Variants in NTRK2 observed in about 807,000 individuals in gnomAD.
NTRK2 encodes BDNF/NT-3 growth factors receptor.
NTRK2 carries 13 observed loss-of-function variants against 94.5 expected under a neutral mutation model. The observed-to-expected ratio is 0.14, with a 90% CI of 0.09 to 0.22. The LOEUF is 0.22. Among genes scored for constraint, NTRK2 ranks in the 10% least tolerant of loss-of-function variants. NTRK2 has a pLI of 1.00. For missense variants in NTRK2, 639 were observed against 1,071.2 expected, an observed-to-expected ratio of 0.60 and a Z score of 5.63; for synonymous variants, 372 against 407.4, an observed-to-expected ratio of 0.91 and a Z score of 1.05.
intron 17 of NTRK2, among the ~76,000 whole-genome samples, chr9:84,960,279 C>A (rs900199205): frequency 6.6e-6 from 1 of 152,048 alleles, no homozygotes; most frequent in Non-Finnish European, 1.5e-5. Context: ...TAGCAAGTGG[C>A]CAGATGAACA....
intron 12 of NTRK2, among the ~76,000 whole-genome samples, chr9:84,787,565 T>C (rs2068254601): frequency 1.3e-5 from 2 of 152,020 alleles, no homozygotes; most frequent in South Asian, 2.1e-4. Flanking sequence ...TCAATGGAGG[T>C]GTCTTAGTAA....
chr9:84,743,253 C>T (rs74491940), intron 10 of NTRK2, among the ~76,000 whole-genome samples: 1,676 of 152,154 alleles, frequency 0.011, 39 homozygotes, highest in African/African-American at 0.038. Flanking sequence ...TCAAGACTTG[C>T]TTTAAATTTA....
chr9:84,882,948 G>T (rs527722360), intron 14 of NTRK2, among the ~76,000 whole-genome samples: 13 of 152,140 alleles, frequency 8.5e-5, no homozygotes, highest in Admixed American at 6.5e-4. Flanking sequence ...TGTGTTTTTA[G>T]TAGAGATGGG....
intron 17 of NTRK2, among the ~76,000 whole-genome samples, chr9:84,991,761 C>G (rs1390359757): frequency 6.6e-6 from 1 of 152,164 alleles, no homozygotes; most frequent in Non-Finnish European, 1.5e-5. Flanking sequence ...AATTAGTATG[C>G]AGGGCCAGTG....
At chr9:84,698,678 A>C (rs2060539233) in intron 2 of NTRK2, among the ~76,000 whole-genome samples, 1 of 152,236 alleles carries the variant, frequency 6.6e-6, no homozygotes, top group Non-Finnish European at 1.5e-5. Context: ...GAGAAATTTC[A>C]TCACATCCAT....
chr9:84,751,201 T>C (rs2064567943), intron 11 of NTRK2, among the ~76,000 whole-genome samples: 1 of 152,168 alleles, frequency 6.6e-6, no homozygotes, highest in Non-Finnish European at 1.5e-5. Flanking sequence ...ACCTTAAAAA[T>C]AGCCTTTTAT....
chr9:84,983,720 C>T (rs1403179281), intron 17 of NTRK2, among the ~76,000 whole-genome samples: 1 of 152,234 alleles, frequency 6.6e-6, no homozygotes, highest in African/African-American at 2.4e-5. Flanking sequence ...GTTATTTTAA[C>T]ATCCCTACTG....
At chr9:84,857,210 A>G (rs1029288410) in intron 12 of NTRK2, among the ~76,000 whole-genome samples, 3 of 152,122 alleles carry the variant, frequency 2.0e-5, no homozygotes, top group African/African-American at 7.2e-5. Context: ...GTCAGGGAAA[A>G]TGTTGAGCTT....
chr9:84,876,728 A>G (rs1020050265), intron 14 of NTRK2: 2 of 1,060,628 alleles, frequency 1.9e-6, no homozygotes, highest in Non-Finnish European at 2.3e-6. Flanking sequence ...TCCTAATTTC[A>G]TTAGTGCCAT....
At chr9:84,762,535 G>A (rs939001518) in intron 12 of NTRK2, among the ~76,000 whole-genome samples, 2 of 152,172 alleles carry the variant, frequency 1.3e-5, no homozygotes, top group African/African-American at 4.8e-5. Context: ...GTAGATTTAT[G>A]TGCATATTAT....
intron 14 of NTRK2, among the ~76,000 whole-genome samples, chr9:84,933,729 C>G (rs1298112348): frequency 1.3e-5 from 2 of 152,166 alleles, no homozygotes; most frequent in Non-Finnish European, 2.9e-5. Context: ...CTCTGTCTCC[C>G]TTAGGAATCT....
chr9:85,016,411 T>G (rs1832231648), intron 17 of NTRK2, among the ~76,000 whole-genome samples: 1 of 152,136 alleles, frequency 6.6e-6, no homozygotes, highest in South Asian at 2.1e-4. Context: ...TCAACTTAAT[T>G]ACTGGAGAGC....
At chr9:84,756,665 G>A (rs1271557463) in intron 12 of NTRK2, among the ~76,000 whole-genome samples, 1 of 152,198 alleles carries the variant, frequency 6.6e-6, no homozygotes, top group Non-Finnish European at 1.5e-5. Context: ...CTGTAGAAGA[G>A]ACTAGAAGAG....
chr9:84,860,480 T>C (rs892587078), intron 12 of NTRK2, among the ~76,000 whole-genome samples: 7 of 152,170 alleles, frequency 4.6e-5, no homozygotes, highest in Non-Finnish European at 7.4e-5. Flanking sequence ...CCTGAATCTC[T>C]ATCTAGCCCG....
chr9:84,760,024 C>T (rs1187731865), intron 12 of NTRK2, among the ~76,000 whole-genome samples: 2 of 152,156 alleles, frequency 1.3e-5, no homozygotes, highest in Non-Finnish European at 2.9e-5. Flanking sequence ...TCACGTGGCA[C>T]TTCAGAAGAC....
intron 9 of NTRK2, among the ~76,000 whole-genome samples, chr9:84,732,328 T>G (rs2062948375): frequency 2.6e-5 from 4 of 152,232 alleles, no homozygotes. Flanking sequence ...TTTGTCACTA[T>G]TTTGTTTGAT....
chr9:84,818,655 TG>T (rs2072582402), intron 12 of NTRK2, among the ~76,000 whole-genome samples: 1 of 152,234 alleles, frequency 6.6e-6, no homozygotes, highest in Non-Finnish European at 1.5e-5. Flanking sequence ...TAACTGAAGA[TG>T]GATTTGCTGT....
At chr9:84,693,043 G>T (rs1018407906) in intron 2 of NTRK2, among the ~76,000 whole-genome samples, 21 of 152,148 alleles carry the variant, frequency 1.4e-4, no homozygotes, top group Admixed American at 1.4e-3. Context: ...AGGAGATGCT[G>T]GTTCAGTTTC....
At chr9:84,973,653 C>T (rs1292472205) in intron 17 of NTRK2, among the ~76,000 whole-genome samples, 1 of 152,184 alleles carries the variant, frequency 6.6e-6, no homozygotes, top group Non-Finnish European at 1.5e-5. Context: ...CTAAGTGCCA[C>T]CCATGTGATC....
Sources: gnomAD v4.1 joint callset for allele counts (sites outside exome capture counted in the v4.1 genomes callset) on GRCh38, gnomAD v4.1.1 for gene constraint, MANE v1.5 for transcripts, NCBI Gene and HGNC (gene_info 2026-07-23, HGNC 2026-07-21) for gene names.